BICD2: variants seen among roughly 807,000 people sequenced by gnomAD.
BICD2 encodes the protein protein bicaudal D homolog 2.
BICD2 carries 25 observed loss-of-function variants against 72.9 expected under a neutral mutation model. That is an observed-to-expected ratio of 0.34 (90% confidence interval 0.25 to 0.48). The LOEUF is 0.48. BICD2 is among the 20% of genes least tolerant of loss of function. The probability of loss-of-function intolerance (pLI) is 0.99; values close to 1 mark genes in which losing one functional copy is unlikely to be tolerated. For synonymous variants in BICD2, 501 were observed against 516.1 expected (o/e 0.97, Z 0.40); for missense variants, 894 against 1,175.2 (o/e 0.76, Z 3.50).
chr9:92,714,170 T>C lies in BICD2; in HGVS notation c.*984A>G. ...AAGTGGCCCTGGCCCTATGCAAAGC[T>C]TTCCCAGCACCGGGCTGGGCTCTGG... is the stretch of plus-strand genomic sequence containing the variant. On this transcript the variant is annotated 3_prime_UTR_variant, in exon 7 of 7. Coordinates refer to ENST00000356884, the MANE Select transcript of BICD2 (RefSeq NM_001003800.2). The C allele has an allele frequency of 1.0e-6, 1 of 985,508 alleles. No homozygotes were observed. Among genetic ancestry groups the C allele is most frequent in the Middle Eastern group, 5.2e-4 (1 of 1,914 alleles). 61.0% of individuals were successfully genotyped at this position (985,508 alleles called of 1,614,324 possible). A position where few individuals can be genotyped will look rare whatever the true frequency, so the allele number is the denominator to read the frequency against.
rs957529028 is a variant in BICD2, at chr9:92,714,714, A to C, written c.*440T>G. ...AGGTCGTACCTATGCTGCAGGCTGGAACCTCCTAAAACTGCTTTCTAGTGC... is the reference window on the plus strand; with the variant it reads ...AGGTCGTACCTATGCTGCAGGCTGGCACCTCCTAAAACTGCTTTCTAGTGC... On this transcript the variant is annotated 3_prime_UTR_variant, in exon 7 of 7. Transcript: ENST00000356884. 9 of 993,966 alleles carry C rather than the reference A, an allele frequency of 9.1e-6. No homozygotes were observed. In the African/African-American group the frequency reaches 1.6e-4, roughly 17 times the overall value. 61.6% of individuals were successfully genotyped at this position (993,966 alleles called of 1,614,324 possible). A position where few individuals can be genotyped will look rare whatever the true frequency, so the allele number is the denominator to read the frequency against.
intron 1 of BICD2, 52 bp from the exon 2 acceptor site, chr9:92,729,288 G>A (rs1304963637): frequency 3.2e-6 from 5 of 1,584,084 alleles, no homozygotes; most frequent in Non-Finnish European, 3.5e-6. Context: ...GGGCGCCGAA[G>A]GATAGAGACC....
At chr9:92,762,342 TG>T (rs1323582999) in intron 1 of BICD2, among the ~76,000 whole-genome samples, 1 of 152,030 alleles carries the variant, frequency 6.6e-6, no homozygotes, top group Non-Finnish European at 1.5e-5. Context: ...ATGCTGTTGA[TG>T]GGGGGTGAAC....
At position 92,720,438 on chromosome 9, in the gene BICD2, C is replaced by G; in HGVS notation, c.924G>C (p.Leu308=). 1 of 1,614,158 alleles carries G rather than the reference C, an allele frequency of 6.2e-7. No homozygotes were observed. The highest frequency in any genetic ancestry group is 8.5e-7 in the Non-Finnish European group (1 of 1,180,038). ...ALVNGFEHGG[L]AKLPLDNKTS... The stretch of plus-strand genomic sequence containing the variant: ...TCTTGTTGTCCAGTGGCAGCTTGGC[C>G]AGGCCGCCGTGCTCAAAGCCATTGA... Residue 308 remains leucine (L), a synonymous_variant, in exon 4 of 7, where the codon CTG becomes CTC. Coordinates refer to ENST00000356884, the MANE Select transcript of BICD2 (RefSeq NM_001003800.2). The surrounding 1 kb of genome is among the most constrained non-coding windows in gnomAD (Gnocchi z 5.4).
chr9:92,728,419 G>C (rs75678710), intron 2 of BICD2, among the ~76,000 whole-genome samples: 10,282 of 152,304 alleles, frequency 0.068, 478 homozygotes, highest in Non-Finnish European at 0.098. Flanking sequence ...GGCTGTCCAT[G>C]GGTACCCAGG....
intron 1 of BICD2, among the ~76,000 whole-genome samples, chr9:92,742,137 T>C (rs774976597): frequency 1.3e-5 from 2 of 152,246 alleles, no homozygotes. Context: ...TCATGTGATA[T>C]GGGTACCACA....
At chr9:92,760,987 C>G (rs1036970762) in intron 1 of BICD2, among the ~76,000 whole-genome samples, 2 of 152,210 alleles carry the variant, frequency 1.3e-5, no homozygotes, top group Non-Finnish European at 2.9e-5. Flanking sequence ...AGAGGAACCT[C>G]CTGGAGGGTC....
chr9:92,729,511 C>CT (rs1853638017), intron 1 of BICD2, among the ~76,000 whole-genome samples: 1 of 152,254 alleles, frequency 6.6e-6, no homozygotes, highest in Admixed American at 6.5e-5. Flanking sequence ...ACTGGCAAGA[C>CT]AAGTGCTGGA....
intron 1 of BICD2, among the ~76,000 whole-genome samples, chr9:92,744,397 G>A (rs556908537): frequency 1.3e-5 from 2 of 152,324 alleles, no homozygotes; most frequent in African/African-American, 4.8e-5. Context: ...GCTCTGGGAA[G>A]CTGACTACAT....
rs1853416214 is a variant in BICD2 at position 92,719,577 on chromosome 9, C to T, written c.1068G>A (p.Glu356=). The change falls in exon 5 of 7, where the codon GAG becomes GAA. Residue 356 remains glutamate (E), a synonymous_variant. Transcript: ENST00000356884. ...TTGCCAGCAGGCCCGCCTTTTCCCG[C>T]TCCATCTGCAAAGGCACAGGCAGCA... is the stretch of plus-strand genomic sequence containing the variant. The part of the protein sequence containing the change: ...QKLKQQLMQM[E]REKAGLLATL... The T allele has an allele frequency of 6.2e-7, 1 of 1,601,050 alleles. No homozygotes were observed. Among genetic ancestry groups the T allele is most frequent in the Non-Finnish European group, 8.5e-7 (1 of 1,175,556 alleles).
intron 1 of BICD2, among the ~76,000 whole-genome samples, chr9:92,740,211 G>T (rs937155385): frequency 5.3e-5 from 8 of 152,122 alleles, no homozygotes; most frequent in African/African-American, 1.9e-4. Flanking sequence ...ATAAGGAAAT[G>T]ATATCACAAG....
At chr9:92,733,389 T>A (rs1251064863) in intron 1 of BICD2, among the ~76,000 whole-genome samples, 1 of 151,378 alleles carries the variant, frequency 6.6e-6, no homozygotes, top group East Asian at 2.0e-4. Flanking sequence ...TAAAAAAAAA[T>A]TAGCTGGGCG....
chr9:92,734,302 A>G (rs548715421), intron 1 of BICD2, among the ~76,000 whole-genome samples: 249 of 152,268 alleles, frequency 1.6e-3, no homozygotes, highest in Non-Finnish European at 2.4e-3. Flanking sequence ...ACTTGAGGCC[A>G]GGAGTTCGAG....
intron 1 of BICD2, among the ~76,000 whole-genome samples, chr9:92,747,673 G>A (rs1410190447): frequency 1.3e-5 from 2 of 152,204 alleles, no homozygotes; most frequent in Non-Finnish European, 2.9e-5. Flanking sequence ...AGGCAGGGCC[G>A]ACCATCCAGA....
rs926915449 is a variant in BICD2, at chr9:92,764,813, TGCC to T, written c.-72_-70del. On this transcript the variant is annotated 5_prime_UTR_variant, in exon 1 of 7. Transcript: ENST00000356884. This position sits in a 1 kb window ranked among gnomAD's most constrained non-coding sequence, Gnocchi z 5.5. ...CCGGGCCCTCCTCAGCCGCCGCCGCTGCCGCCGCCGCCGCCGCCCTGCCCCGAC... is the reference window on the plus strand; with the variant it reads ...CCGGGCCCTCCTCAGCCGCCGCCGCTGCCGCCGCCGCCGCCCTGCCCCGAC... 1.7e-4 allele frequency: 200 copies of T among 1,183,048 alleles called. No homozygotes were observed. Among genetic ancestry groups the T allele is most frequent in the Middle Eastern group, 1.1e-3 (3 of 2,848 alleles). 73.3% of individuals were successfully genotyped at this position (1,183,048 alleles called of 1,614,324 possible). A position where few individuals can be genotyped will look rare whatever the true frequency, so the allele number is the denominator to read the frequency against.
chr9:92,717,057 C>T (rs1853330883), intron 6 of BICD2, among the ~76,000 whole-genome samples: 1 of 152,230 alleles, frequency 6.6e-6, no homozygotes, highest in Non-Finnish European at 1.5e-5. Flanking sequence ...GTGACCTGCT[C>T]CAGCCAGGAG....
chr9:92,756,650 A>G (rs1322829077), intron 1 of BICD2, among the ~76,000 whole-genome samples: 1 of 151,178 alleles, frequency 6.6e-6, no homozygotes, highest in Non-Finnish European at 1.5e-5. Context: ...AGGCAGGCAG[A>G]TCATGAGGTC....
rs758983396 is a variant in BICD2 at position 92,720,021 on chromosome 9, C to A, written c.1062+279G>T. Among the ~76,000 whole-genome samples, 5 of 152,188 alleles carry A rather than the reference C, an allele frequency of 3.3e-5. No individual in the cohort carries two copies. Among genetic ancestry groups the A allele is most frequent in the African/African-American group, 7.2e-5 (3 of 41,438 alleles). The stretch of plus-strand genomic sequence containing the variant: ...TGGTGGGCCCCTGACACCTGGCCTG[C>A]GTGCAGGGATCACATGTGGGCCAGT... On this transcript the variant is annotated intron_variant, in intron 4 of 6. Coordinates refer to ENST00000356884, the MANE Select transcript of BICD2 (RefSeq NM_001003800.2). The surrounding 1 kb of genome is among the most constrained non-coding windows in gnomAD (Gnocchi z 5.4).
chr9:92,759,629 T>C (rs955974659), intron 1 of BICD2, among the ~76,000 whole-genome samples: 1 of 152,122 alleles, frequency 6.6e-6, no homozygotes, highest in African/African-American at 2.4e-5. Flanking sequence ...TGCTCCAGAG[T>C]TCGGCTTCAG....
Sources: allele counts gnomAD v4.1 joint callset (sites outside exome capture counted in the v4.1 genomes callset), GRCh38; gene constraint gnomAD v4.1.1; non-coding constraint Gnocchi (gnomAD v3.1); transcripts MANE v1.5; gene names NCBI Gene and HGNC (gene_info 2026-07-23, HGNC 2026-07-21).